MYBPC1: variants seen among roughly 807,000 people sequenced by gnomAD.
MYBPC1 encodes myosin-binding protein C, slow-type.
MYBPC1 carries 52 observed loss-of-function variants against 147.1 expected under a neutral mutation model. The observed-to-expected ratio is 0.35, with a 90% confidence interval of 0.28 to 0.45. The LOEUF (loss-of-function observed/expected upper bound fraction) is 0.45. MYBPC1 is among the 20% of genes least tolerant of loss of function. The pLI is 1.00. For missense variants in MYBPC1, 1,228 were observed against 1,440.3 expected (o/e 0.85, Z 2.39); for synonymous variants, 477 against 475.9 (o/e 1.00, Z -0.03).
chr12:101,617,541 G>A (rs1886412065), intron 3 of MYBPC1, among the ~76,000 whole-genome samples: 1 of 152,148 alleles, frequency 6.6e-6, no homozygotes, highest in South Asian at 2.1e-4. Flanking sequence ...AAAGAGAGGT[G>A]TTTGGTCTTC....
At chr12:101,678,767 C>T (rs1251387364) in intron 28 of MYBPC1, among the ~76,000 whole-genome samples, 2 of 152,178 alleles carry the variant, frequency 1.3e-5, no homozygotes, top group East Asian at 3.8e-4. Context: ...TAATGAATAT[C>T]GCCCATAGAG....
chr12:101,611,643 G>C (rs988554869), intron 1 of MYBPC1, among the ~76,000 whole-genome samples: 1 of 152,182 alleles, frequency 6.6e-6, no homozygotes, highest in Non-Finnish European at 1.5e-5. Context: ...AGGAAGGAAA[G>C]ATCCCTGGCT....
chr12:101,601,331 A>G (rs1879848535), intron 1 of MYBPC1, among the ~76,000 whole-genome samples: 1 of 152,200 alleles, frequency 6.6e-6, no homozygotes. Flanking sequence ...GTTTTAATTT[A>G]CAAAGAGTAT....
At position 101,642,412 on chromosome 12, in the gene MYBPC1, C is replaced by T. The variant is rs372999996; in HGVS notation, c.666-7C>T. ...TACTAAACTAGACCATGGTTCTCCC[C>T]GGTTAGGGAGGTGAAGCAGCAGGAG... is the stretch of plus-strand genomic sequence containing the variant. On this transcript the variant is annotated splice_polypyrimidine_tract_variant and splice_region_variant and intron_variant, in intron 10 of 31. Transcript: ENST00000361466. 5.1e-5 allele frequency: 82 copies of T among 1,613,926 alleles called. 2 individuals are homozygous for T. In the Admixed American group the frequency reaches 1.3e-3, roughly 26 times the overall value.
intron 1 of MYBPC1, among the ~76,000 whole-genome samples, chr12:101,610,434 G>C (rs529043332): frequency 6.6e-6 from 1 of 152,084 alleles, no homozygotes; most frequent in Non-Finnish European, 1.5e-5. Flanking sequence ...ATGCAAACAC[G>C]TTTTAACACA....
At chr12:101,610,774 G>C (rs1336567923) in intron 1 of MYBPC1, among the ~76,000 whole-genome samples, 3 of 152,152 alleles carry the variant, frequency 2.0e-5, no homozygotes, top group Non-Finnish European at 4.4e-5. Context: ...TGGGGAAAAT[G>C]GTGTAATTGC....
chr12:101,660,648 C>G (rs1896362111), intron 19 of MYBPC1, among the ~76,000 whole-genome samples: 1 of 152,080 alleles, frequency 6.6e-6, no homozygotes, highest in Non-Finnish European at 1.5e-5. Context: ...TAATTACTAA[C>G]TTGTATGAGT....
chr12:101,625,006 G>A (rs1888266599), intron 3 of MYBPC1, among the ~76,000 whole-genome samples: 1 of 101,416 alleles, frequency 9.9e-6, no homozygotes, highest in South Asian at 3.2e-4. Context: ...TGGGTAACTA[G>A]TAAGGTACTA....
At chr12:101,617,392 T>C (rs956820840) in intron 3 of MYBPC1, 149 bp downstream of exon 3, 3 of 773,634 alleles carry the variant, frequency 3.9e-6, no homozygotes, top group African/African-American at 3.5e-5. Flanking sequence ...CCAATCAGTA[T>C]AATGACAAAT....
chr12:101,671,102 A>G (rs1306105290), intron 24 of MYBPC1, among the ~76,000 whole-genome samples: 2 of 152,112 alleles, frequency 1.3e-5, no homozygotes, highest in Admixed American at 6.6e-5. Flanking sequence ...TTCTATATCA[A>G]TGCTGTCCAA....
At chr12:101,602,154 C>A (rs958885016) in intron 1 of MYBPC1, among the ~76,000 whole-genome samples, 17 of 152,256 alleles carry the variant, frequency 1.1e-4, no homozygotes, top group African/African-American at 4.1e-4. Context: ...AAAACAGTAT[C>A]AACTCTTTGG....
intron 3 of MYBPC1, among the ~76,000 whole-genome samples, chr12:101,618,631 T>A (rs1452209063): frequency 2.0e-5 from 3 of 152,172 alleles, no homozygotes; most frequent in African/African-American, 7.2e-5. Context: ...GACCCTTAAT[T>A]TGAAAAGTCA....
In MYBPC1 at chr12:101,642,467, G is replaced by A. The variant is rs776040215; in HGVS notation, c.714G>A (p.Leu238=). 1 of 1,614,108 alleles carries A rather than the reference G, an allele frequency of 6.2e-7. No homozygotes were observed. The highest frequency in any genetic ancestry group is 2.2e-5 in the East Asian group (1 of 44,890). Residue 238 remains leucine, a synonymous_variant, in exon 11 of 32, where the codon TTG becomes TTA. Coordinates refer to ENST00000361466, the MANE Select transcript of MYBPC1 (RefSeq NM_002465.4). ...EEEPQVDVWE[L]LKNAKPSEYE... ...AACCCCAGGTGGACGTATGGGAGTT[G>A]CTGAAGAACGCGAAACCCAGTGAGT... is the stretch of plus-strand genomic sequence containing the variant.
intron 4 of MYBPC1, 99 bp from the exon 5 acceptor site, chr12:101,627,670 G>A (rs749339573): frequency 2.7e-5 from 37 of 1,356,772 alleles, no homozygotes; most frequent in Non-Finnish European, 3.5e-5. Flanking sequence ...ATCACCAGAG[G>A]AGACAGGGTT....
At position 101,624,683 on chromosome 12, in the gene MYBPC1, A is replaced by ATTTTTTTTTTTTTTTTTTTTTTTTTTTT. The variant is rs57175970; in HGVS notation, c.104-2163_104-2162insTTTTTTTTTTTTTTTTTTTTTTTTTTTT. 2.0e-5 allele frequency among the ~76,000 whole-genome samples: 2 copies of ATTTTTTTTTTTTTTTTTTTTTTTTTTTT among 99,110 alleles called. 1 individual carries two copies. The highest frequency in any genetic ancestry group is 8.3e-5 in the African/African-American group (2 of 24,002). The allele number at this position is 99,110 out of a possible 152,430, so 65.0% of individuals were successfully genotyped here. On this transcript the variant is annotated intron_variant, in intron 3 of 31. Coordinates refer to ENST00000361466, the MANE Select transcript of MYBPC1 (RefSeq NM_002465.4). ...AATAATATACAAGCCCGGCTAATTA[A>ATTTTTTTTTTTTTTTTTTTTTTTTTTTT]TTTTTTTTTTTTTTTTTTTTTTTTT...
intron 22 of MYBPC1, among the ~76,000 whole-genome samples, chr12:101,664,873 A>G (rs2136522179): frequency 6.6e-6 from 1 of 152,312 alleles, no homozygotes; most frequent in East Asian, 1.9e-4. Context: ...ATTCTTGAGC[A>G]CTTCAGTTTA....
chr12:101,623,314 G>A (rs551452989), intron 3 of MYBPC1, among the ~76,000 whole-genome samples: 4 of 152,272 alleles, frequency 2.6e-5, no homozygotes, highest in African/African-American at 9.6e-5. Flanking sequence ...ACTCCAGCCT[G>A]GGCGATAGAG....
intron 5 of MYBPC1, chr12:101,629,050 T>G: frequency 3.1e-6 from 1 of 327,300 alleles, no homozygotes; most frequent in Non-Finnish European, 6.0e-6. Context: ...GATGTGGCCT[T>G]ATAGTCCATC....
In MYBPC1 at chr12:101,644,890, A is replaced by G. The variant is rs1477324389; in HGVS notation, c.965+94A>G. ...TTTCTGAGAATAAAAGGATATTTAT[A>G]TTTTCATAATACAAAATCATATGGA... On this transcript the variant is annotated intron_variant, in intron 12 of 31. Transcript: ENST00000361466. The G allele has an allele frequency of 6.6e-6, 8 of 1,221,238 alleles. No homozygotes were observed. The South Asian group carries it at 7.8e-5, about 12-fold the overall frequency. The allele number at this position is 1,221,238 out of a possible 1,614,324, so 75.7% of individuals were successfully genotyped here. A position where few individuals can be genotyped will look rare whatever the true frequency, so the allele number is the denominator to read the frequency against.
Sources: allele counts gnomAD v4.1 joint callset (sites outside exome capture counted in the v4.1 genomes callset), GRCh38; gene constraint gnomAD v4.1.1; transcripts MANE v1.5; gene names NCBI Gene and HGNC (gene_info 2026-07-23, HGNC 2026-07-21).